Variants in ACOXL observed in about 807,000 individuals in gnomAD.
ACOXL encodes acyl-CoA oxidase like.
Under a neutral mutation model 71.9 loss-of-function variants are expected in ACOXL, and 70 were observed. That is an observed-to-expected ratio of 0.97 (90% CI 0.80 to 1.19). The LOEUF (loss-of-function observed/expected upper bound fraction) is 1.19. ACOXL is among the 50% of genes most tolerant of loss of function. ACOXL has a pLI of 0.00. For missense variants in ACOXL, 703 were observed against 736.3 expected (o/e 0.95, Z 0.52); for synonymous variants, 253 against 281.6 (o/e 0.90, Z 1.02).
chr2:110,838,113 G>A (rs1230216462), intron 9 of ACOXL, among the ~76,000 whole-genome samples: 1 of 152,228 alleles, frequency 6.6e-6, no homozygotes, highest in Non-Finnish European at 1.5e-5. Context: ...CTATATATGA[G>A]TGTGCATGTG....
chr2:110,973,027 C>T (rs2062281502), intron 12 of ACOXL, among the ~76,000 whole-genome samples: 1 of 152,218 alleles, frequency 6.6e-6, no homozygotes, highest in Non-Finnish European at 1.5e-5. Flanking sequence ...TTCCCAAACC[C>T]AAGTTCCCAG....
At chr2:111,072,571 G>C (rs2067392463) in intron 16 of ACOXL, among the ~76,000 whole-genome samples, 1 of 152,214 alleles carries the variant, frequency 6.6e-6, no homozygotes, top group South Asian at 2.1e-4. Context: ...ATTATTATGT[G>C]AACATAAATC....
At position 111,022,421 on chromosome 2, in the gene ACOXL, T is replaced by TCACACACACACACA. The variant is rs10543530; in HGVS notation, c.1282-9191_1282-9178dup. Among the ~76,000 whole-genome samples the TCACACACACACACA allele has an allele frequency of 7.5e-4, 110 of 147,504 alleles. 2 individuals carry two copies. The highest frequency in any genetic ancestry group is 2.6e-3 in the African/African-American group (106 of 40,530). On this transcript the variant is annotated intron_variant, in intron 14 of 17. Coordinates refer to ENST00000439055, the MANE Select transcript of ACOXL (RefSeq NM_001142807.4). Reference sequence around the variant, plus strand: ...CAGACAAATATATAAAGACCCCTCCTCACACACACACACACACACACACAC... The same window carrying TCACACACACACACA: ...CAGACAAATATATAAAGACCCCTCCTCACACACACACACACACACACACACACACACACACACAC...
At position 110,915,336 on chromosome 2, in the gene ACOXL, T is replaced by TTATA. The variant is rs60017192; in HGVS notation, c.905+6443_905+6446dup. ...TTTGAAATTTTTTGTTATATGCATTTTATATATATATATATGTGTGTGTGT... is the reference window on the plus strand; with the variant it reads ...TTTGAAATTTTTTGTTATATGCATTTTATATATATATATATATATGTGTGTGTGT... On this transcript the variant is annotated intron_variant, in intron 11 of 17. Coordinates refer to ENST00000439055, the MANE Select transcript of ACOXL (RefSeq NM_001142807.4). Among the ~76,000 whole-genome samples the TTATA allele has an allele frequency of 7.8e-3, 1,026 of 130,752 alleles. 9 individuals are homozygous for TTATA. Among genetic ancestry groups the TTATA allele is most frequent in the African/African-American group, 0.027 (947 of 35,654 alleles). 85.8% of individuals were successfully genotyped at this position (130,752 alleles called of 152,430 possible).
At chr2:110,940,474 T>C (rs2060828123) in intron 12 of ACOXL, among the ~76,000 whole-genome samples, 1 of 152,224 alleles carries the variant, frequency 6.6e-6, no homozygotes. Flanking sequence ...AGATTTGTAT[T>C]TGAAAGTGGG....
At chr2:111,052,632 C>T (rs1267566180) in intron 16 of ACOXL, among the ~76,000 whole-genome samples, 1 of 152,212 alleles carries the variant, frequency 6.6e-6, no homozygotes, top group African/African-American at 2.4e-5. Flanking sequence ...CCATAAATTA[C>T]TCATTTGACC....
chr2:110,884,628 C>T lies in ACOXL; in HGVS notation c.789-24161C>T, dbSNP rs888477412. On this transcript the variant is annotated intron_variant, in intron 10 of 17. Coordinates refer to ENST00000439055, the MANE Select transcript of ACOXL (RefSeq NM_001142807.4). ...TTGGATGGATACAAATATATGTTGCCGATTATTATCCCAAAAGACAATCCC... is the reference window on the plus strand; with the variant it reads ...TTGGATGGATACAAATATATGTTGCTGATTATTATCCCAAAAGACAATCCC... Among the ~76,000 whole-genome samples, 5 of 151,894 alleles carry T rather than the reference C, an allele frequency of 3.3e-5. No individual in the cohort carries two copies. The South Asian group carries it at 8.3e-4, about 25-fold the overall frequency.
At chr2:111,082,576 G>T (rs868373723) in intron 16 of ACOXL, among the ~76,000 whole-genome samples, 3 of 152,322 alleles carry the variant, frequency 2.0e-5, no homozygotes, top group African/African-American at 7.2e-5. Flanking sequence ...CTGTTGGTGG[G>T]AGTGTAAATT....
At chr2:110,903,312 A>T (rs1426010611) in intron 10 of ACOXL, among the ~76,000 whole-genome samples, 1 of 152,260 alleles carries the variant, frequency 6.6e-6, no homozygotes, top group East Asian at 1.9e-4. Context: ...TCCGACGAAT[A>T]TTGCCTTAAG....
chr2:110,983,447 C>T (rs1558824942), intron 12 of ACOXL, among the ~76,000 whole-genome samples: 1 of 152,192 alleles, frequency 6.6e-6, no homozygotes, highest in Non-Finnish European at 1.5e-5. Context: ...TTGATTCCTC[C>T]TGCAGATGGG....
intron 14 of ACOXL, among the ~76,000 whole-genome samples, chr2:111,001,093 T>A (rs1393596217): frequency 1.3e-5 from 2 of 152,224 alleles, no homozygotes; most frequent in Non-Finnish European, 2.9e-5. Flanking sequence ...GCAAAAGGCC[T>A]TCTGAGTTTA....
chr2:111,076,325 C>G (rs1267808611), intron 16 of ACOXL, among the ~76,000 whole-genome samples: 2 of 152,024 alleles, frequency 1.3e-5, no homozygotes, highest in Non-Finnish European at 2.9e-5. Flanking sequence ...GTTTCATTAG[C>G]CTTTTTATCA....
At chr2:110,737,064 C>A (rs1464948827) in intron 1 of ACOXL, among the ~76,000 whole-genome samples, 2 of 152,164 alleles carry the variant, frequency 1.3e-5, no homozygotes, top group Admixed American at 1.3e-4. Context: ...ATGTGCACAT[C>A]ATTTTGTTAT....
chr2:111,110,536 T>G (rs1317086175), intron 17 of ACOXL, among the ~76,000 whole-genome samples: 1 of 152,200 alleles, frequency 6.6e-6, no homozygotes, highest in Non-Finnish European at 1.5e-5. Flanking sequence ...AAGTGTTTGT[T>G]TCTGTGCTAG....
chr2:110,860,193 C>T (rs1253436850), intron 10 of ACOXL, among the ~76,000 whole-genome samples: 2 of 152,208 alleles, frequency 1.3e-5, no homozygotes, highest in East Asian at 3.8e-4. Context: ...TCACTGCAAC[C>T]TCTACCTCCT....
At chr2:111,022,750 C>A (rs1364412664) in intron 14 of ACOXL, among the ~76,000 whole-genome samples, 1 of 152,078 alleles carries the variant, frequency 6.6e-6, no homozygotes, top group Non-Finnish European at 1.5e-5. Context: ...CTCCTAGGGG[C>A]CTGCAGCAGA....
chr2:110,960,781 G>A (rs2061673634), intron 12 of ACOXL, among the ~76,000 whole-genome samples: 1 of 151,550 alleles, frequency 6.6e-6, no homozygotes, highest in Admixed American at 6.6e-5. Context: ...AAAAAATGAT[G>A]CAGACACAGA....
intron 2 of ACOXL, among the ~76,000 whole-genome samples, chr2:110,780,912 C>T (rs1683239286): frequency 6.6e-6 from 1 of 152,066 alleles, no homozygotes; most frequent in African/African-American, 2.4e-5. Context: ...GACCTGTCAT[C>T]CCAGCTACTC....
chr2:111,038,825 C>A (rs1446095990), intron 15 of ACOXL, among the ~76,000 whole-genome samples: 1 of 152,172 alleles, frequency 6.6e-6, no homozygotes, highest in Non-Finnish European at 1.5e-5. Context: ...ATGTTCTAAT[C>A]TCACAAAACA....
Sources: gnomAD v4.1 joint callset for allele counts (sites outside exome capture counted in the v4.1 genomes callset) on GRCh38, gnomAD v4.1.1 for gene constraint, MANE v1.5 for transcripts, NCBI Gene and HGNC (gene_info 2026-07-23, HGNC 2026-07-21) for gene names.